The following COL23A1 variants were observed in gnomAD, a reference collection of about 807,000 sequenced individuals.
COL23A1 encodes collagen alpha-1(XXIII) chain.
COL23A1 carries 97 observed loss-of-function variants against 99.3 expected under a neutral mutation model. That is an observed-to-expected ratio of 0.98 (90% CI 0.83 to 1.16). The LOEUF (loss-of-function observed/expected upper bound fraction) is 1.16, where lower values mean the gene tolerates loss of function less well. Among genes scored for constraint, COL23A1 ranks in the 50% most tolerant of loss-of-function variants. The pLI, the probability that COL23A1 is intolerant of heterozygous loss-of-function variation, is 0.00. For missense variants in COL23A1, 762 were observed against 757.4 expected (o/e 1.01, Z -0.07); for synonymous variants, 320 against 308.2 (o/e 1.04, Z -0.40).
chr5:178,560,613 T>C, intron 2 of COL23A1, 69 bp downstream of exon 2: 1 of 1,430,054 alleles, frequency 7.0e-7, no homozygotes, highest in Non-Finnish European at 9.7e-7. Flanking sequence ...CGGACCATGC[T>C]GTTCTCAGCA....
chr5:178,430,367 C>A (rs1428781343), intron 2 of COL23A1, among the ~76,000 whole-genome samples: 1 of 152,178 alleles, frequency 6.6e-6, no homozygotes. Flanking sequence ...TTCCGATTTC[C>A]TAAGGACATC....
intron 8 of COL23A1, among the ~76,000 whole-genome samples, chr5:178,263,815 G>T (rs1765765912): frequency 6.6e-6 from 1 of 152,160 alleles, no homozygotes; most frequent in African/African-American, 2.4e-5. Context: ...AAAGTCCTTT[G>T]GTAGGTGGAA....
intron 1 of COL23A1, among the ~76,000 whole-genome samples, chr5:178,577,485 G>C (rs1763436976): frequency 6.6e-6 from 1 of 152,242 alleles, no homozygotes; most frequent in Non-Finnish European, 1.5e-5. Flanking sequence ...TGCTGTAGGG[G>C]GAAGCTCAGG....
chr5:178,400,426 G>A (rs1002122335), intron 2 of COL23A1, among the ~76,000 whole-genome samples: 2 of 146,200 alleles, frequency 1.4e-5, no homozygotes, highest in East Asian at 2.0e-4. Context: ...TTGGTGCACC[G>A]TTCTTTGTGT....
intron 2 of COL23A1, among the ~76,000 whole-genome samples, chr5:178,429,013 C>T (rs866899607): frequency 3.3e-5 from 5 of 152,104 alleles, no homozygotes; most frequent in Admixed American, 1.3e-4. Context: ...GCGGGTGTAC[C>T]TTCTTTTCTG....
chr5:178,416,467 G>A (rs1765316281), intron 2 of COL23A1, among the ~76,000 whole-genome samples: 1 of 152,214 alleles, frequency 6.6e-6, no homozygotes, highest in South Asian at 2.1e-4. Flanking sequence ...TGGCTGCTGG[G>A]AGTGAGCCCG....
At chr5:178,358,353 T>C (rs1251553609) in intron 2 of COL23A1, among the ~76,000 whole-genome samples, 6 of 151,622 alleles carry the variant, frequency 4.0e-5, no homozygotes, top group Non-Finnish European at 8.8e-5. Flanking sequence ...GTGTATTGTG[T>C]GTATGTGTAT....
chr5:178,528,001 C>G, intron 2 of COL23A1, among the ~76,000 whole-genome samples: 1 of 152,228 alleles, frequency 6.6e-6, no homozygotes, highest in Non-Finnish European at 1.5e-5. Flanking sequence ...AACCGAATTT[C>G]ACATTCAAGG....
At chr5:178,490,581 G>T (rs748232303) in intron 2 of COL23A1, among the ~76,000 whole-genome samples, 1 of 151,966 alleles carries the variant, frequency 6.6e-6, no homozygotes, top group Non-Finnish European at 1.5e-5. Flanking sequence ...ACATAAAAGT[G>T]GTTTAAACTT....
chr5:178,259,900 G>T (rs955661368), intron 11 of COL23A1, among the ~76,000 whole-genome samples, 153 bp from the exon 12 acceptor site: 1 of 152,282 alleles, frequency 6.6e-6, no homozygotes, highest in Non-Finnish European at 1.5e-5. Context: ...GAGCTGCGGC[G>T]GACAGTCTTG....
chr5:178,365,152 T>C lies in COL23A1; in HGVS notation c.362-58233A>G, dbSNP rs986510596. On this transcript the variant is annotated intron_variant, in intron 2 of 28. Coordinates refer to ENST00000390654, the MANE Select transcript of COL23A1 (RefSeq NM_173465.4). This position sits in a 1 kb window ranked among gnomAD's most constrained non-coding sequence, Gnocchi z 5.2. ...CTGTGTGTGCGTGTGTGTGTGTGTG[T>C]GTGTGTGTGTGTGTGTGTGATAAAT... Among the ~76,000 whole-genome samples the C allele has an allele frequency of 6.6e-6, 1 of 151,912 alleles. No homozygotes were observed. The highest frequency in any genetic ancestry group is 1.5e-5 in the Non-Finnish European group (1 of 67,972).
At chr5:178,250,158 GT>G in intron 17 of COL23A1, 53 bp from the exon 18 acceptor site, 2 of 1,608,678 alleles carry the variant, frequency 1.2e-6, no homozygotes, top group Non-Finnish European at 1.7e-6. Flanking sequence ...CTAAAGAGGT[GT>G]CAGCAGCCAG....
rs73346830 is a variant in COL23A1, at chr5:178,339,533, C to G, written c.362-32614G>C. Among the ~76,000 whole-genome samples the G allele has an allele frequency of 8.5e-3, 1,290 of 152,334 alleles. 20 individuals carry two copies. The highest frequency in any genetic ancestry group is 0.029 in the African/African-American group (1,226 of 41,578). On this transcript the variant is annotated intron_variant, in intron 2 of 28. Transcript: ENST00000390654. ...GAAGCCATGAGGGGATGGCGTGGGA[C>G]TGAGCCTATCCTTGGCTGTGTGGTG...
At chr5:178,324,373 G>A (rs7710866) in intron 2 of COL23A1, among the ~76,000 whole-genome samples, 1,538 of 152,234 alleles carry the variant, frequency 0.01, 33 homozygotes, top group African/African-American at 0.035. Flanking sequence ...TCACCGTGCT[G>A]TGTTGTCTTT....
At chr5:178,364,423 G>T (rs181901880) in intron 2 of COL23A1, among the ~76,000 whole-genome samples, 1 of 149,884 alleles carries the variant, frequency 6.7e-6, no homozygotes, top group South Asian at 2.2e-4. Flanking sequence ...CCCACAGGAG[G>T]GTGAGCTGAG....
intron 2 of COL23A1, among the ~76,000 whole-genome samples, chr5:178,535,065 T>C (rs924065882): frequency 1.3e-5 from 2 of 150,366 alleles, no homozygotes; most frequent in Admixed American, 6.7e-5. Flanking sequence ...CTGCCTCCAG[T>C]GTTCAAGCGA....
Position 178,545,038 on chromosome 5 carries a change from G to A in COL23A1, c.361+15644C>T, listed in dbSNP as rs573690356. 3.9e-5 allele frequency among the ~76,000 whole-genome samples: 6 copies of A among 152,294 alleles called. No individual in the cohort carries two copies. In the South Asian group the frequency reaches 8.3e-4, roughly 21 times the overall value. ...CGGGAATTCAAGGCTGCAGTGAGCC[G>A]TGATCATTGCACTCCAGCCTGGGCA... is the stretch of plus-strand genomic sequence containing the variant. On this transcript the variant is annotated intron_variant, in intron 2 of 28. Transcript: ENST00000390654.
At chr5:178,370,819 G>A (rs965181159) in intron 2 of COL23A1, among the ~76,000 whole-genome samples, 6 of 152,208 alleles carry the variant, frequency 3.9e-5, no homozygotes, top group Admixed American at 2.6e-4. Context: ...GTGTGCACCT[G>A]CAGTCCCAGC....
At chr5:178,385,321 T>C (rs1344745015) in intron 2 of COL23A1, among the ~76,000 whole-genome samples, 1 of 152,130 alleles carries the variant, frequency 6.6e-6, no homozygotes, top group Non-Finnish European at 1.5e-5. Context: ...ACGCGGGGAA[T>C]TCACAGAGGG....
Sources: gnomAD v4.1 joint callset for allele counts (sites outside exome capture counted in the v4.1 genomes callset) on GRCh38, gnomAD v4.1.1 for gene constraint, Gnocchi (gnomAD v3.1) non-coding constraint, MANE v1.5 for transcripts, NCBI Gene and HGNC (gene_info 2026-07-23, HGNC 2026-07-21) for gene names.